MDGA2: variants seen among roughly 807,000 people sequenced by gnomAD.
MDGA2 encodes the protein MAM domain containing glycosylphosphatidylinositol anchor 2, also known as MAM domain-containing glycosylphosphatidylinositol anchor protein 2.
In MDGA2, 40 loss-of-function variants were observed where a neutral mutation model predicts 117.8. The ratio of observed to expected loss-of-function variants is 0.34; its 90% confidence interval spans 0.26 to 0.44. MDGA2 has a LOEUF of 0.44. Ranked by LOEUF, MDGA2 falls within the 20% of genes least tolerant of loss-of-function variation. The pLI is 1.00. For missense variants in MDGA2, 1,123 were observed against 1,250.6 expected (o/e 0.90, Z 1.54); for synonymous variants, 452 against 439.0 (o/e 1.03, Z -0.37).
intron 1 of MDGA2, among the ~76,000 whole-genome samples, chr14:47,434,424 G>A (rs1286164568): frequency 2.0e-5 from 3 of 151,994 alleles, no homozygotes; most frequent in Non-Finnish European, 2.9e-5. Flanking sequence ...GTGAAACTTT[G>A]TCTTTTGAGT....
intron 4 of MDGA2, among the ~76,000 whole-genome samples, chr14:47,139,579 G>A (rs549324439): frequency 6.6e-6 from 1 of 151,110 alleles, no homozygotes. Flanking sequence ...AGCCACAAAG[G>A]TCAATGACTA....
chr14:47,674,468 A>G (rs1442864998), intron 1 of MDGA2, 49 bp downstream of exon 1: 2 of 1,496,838 alleles, frequency 1.3e-6, no homozygotes, highest in East Asian at 5.0e-5. Flanking sequence ...TCACCAGCCT[A>G]TCTTGCCTAA....
chr14:47,442,264 G>A (rs1284836796), intron 1 of MDGA2, among the ~76,000 whole-genome samples: 1 of 152,116 alleles, frequency 6.6e-6, no homozygotes, highest in Non-Finnish European at 1.5e-5. Flanking sequence ...TTTAGTGTCA[G>A]GTAGTGTTCC....
intron 1 of MDGA2, among the ~76,000 whole-genome samples, chr14:47,570,918 A>C (rs1896007184): frequency 6.6e-6 from 1 of 152,238 alleles, no homozygotes; most frequent in Non-Finnish European, 1.5e-5. Flanking sequence ...ACCTGATTAA[A>C]CTACAGAGCT....
intron 1 of MDGA2, among the ~76,000 whole-genome samples, chr14:47,572,650 C>T (rs1156466600): frequency 6.6e-6 from 1 of 152,116 alleles, no homozygotes; most frequent in East Asian, 1.9e-4. Flanking sequence ...TCTCTAGGTC[C>T]TCTGGGAGGA....
intron 1 of MDGA2, among the ~76,000 whole-genome samples, chr14:47,392,614 T>G (rs1468905092): frequency 6.6e-6 from 1 of 152,072 alleles, no homozygotes; most frequent in Non-Finnish European, 1.5e-5. Context: ...ACATATCCTG[T>G]GATGTTTCTG....
chr14:47,033,498 A>T (rs906040713), intron 8 of MDGA2, among the ~76,000 whole-genome samples: 4 of 152,214 alleles, frequency 2.6e-5, no homozygotes, highest in African/African-American at 9.6e-5. Context: ...ACTTAAGGGT[A>T]TCTCATTTTT....
intron 8 of MDGA2, among the ~76,000 whole-genome samples, chr14:47,019,669 G>C (rs932549342): frequency 6.6e-6 from 1 of 151,702 alleles, no homozygotes; most frequent in Non-Finnish European, 1.5e-5. Context: ...CGGTGAAACC[G>C]CGTCTCCACT....
chr14:47,496,162 G>C (rs1894277282), intron 1 of MDGA2, among the ~76,000 whole-genome samples: 2 of 152,204 alleles, frequency 1.3e-5, no homozygotes, highest in Admixed American at 1.3e-4. Flanking sequence ...ATGAATGAAT[G>C]AGTTAATGCT....
intron 2 of MDGA2, among the ~76,000 whole-genome samples, chr14:47,227,906 T>C (rs886713926): frequency 6.6e-6 from 1 of 152,188 alleles, no homozygotes; most frequent in Non-Finnish European, 1.5e-5. Flanking sequence ...TATGTAATGA[T>C]GGCTCCTAAA....
intron 10 of MDGA2, among the ~76,000 whole-genome samples, chr14:46,910,994 A>C (rs1883678053): frequency 6.6e-6 from 1 of 152,086 alleles, no homozygotes; most frequent in African/African-American, 2.4e-5. Context: ...GGCCTATTGA[A>C]GGGGTGGAGG....
chr14:47,015,380 A>G (rs1888047055), intron 8 of MDGA2, among the ~76,000 whole-genome samples: 1 of 152,054 alleles, frequency 6.6e-6, no homozygotes, highest in African/African-American at 2.4e-5. Flanking sequence ...TTTATAAAAA[A>G]CACAGTATGT....
intron 1 of MDGA2, among the ~76,000 whole-genome samples, chr14:47,601,750 A>G (rs1225960566): frequency 6.6e-6 from 1 of 152,194 alleles, no homozygotes. Context: ...TCAAAGGGTC[A>G]TGTTTTAGCT....
chr14:46,953,287 AT>A (rs1885435038), intron 9 of MDGA2, among the ~76,000 whole-genome samples: 1 of 151,262 alleles, frequency 6.6e-6, no homozygotes, highest in South Asian at 2.1e-4. Context: ...GCAATAAAAA[AT>A]CTATTATATA....
intron 8 of MDGA2, among the ~76,000 whole-genome samples, chr14:46,995,644 A>C (rs567081897): frequency 6.6e-6 from 1 of 152,068 alleles, no homozygotes; most frequent in South Asian, 2.1e-4. Flanking sequence ...TCATTTGATA[A>C]TATTTATATC....
At chr14:47,285,753 A>C (rs746316956) in intron 2 of MDGA2, among the ~76,000 whole-genome samples, 1 of 152,152 alleles carries the variant, frequency 6.6e-6, no homozygotes, top group Admixed American at 6.5e-5. Flanking sequence ...TACCTCACGG[A>C]CATAAGTAAA....
At chr14:46,996,888 T>C (rs1165693728) in intron 8 of MDGA2, 3 of 333,152 alleles carry the variant, frequency 9.0e-6, no homozygotes, top group Non-Finnish European at 1.7e-5. Flanking sequence ...ATGCATATGA[T>C]ACTGAGCAAA....
At position 46,911,622 on chromosome 14, in the gene MDGA2, T is replaced by C. The variant is rs183089826; in HGVS notation, c.2238+8390A>G. Among the ~76,000 whole-genome samples the C allele has an allele frequency of 2.0e-5, 3 of 152,270 alleles. No homozygotes were observed. In the East Asian group the frequency reaches 5.8e-4, roughly 29 times the overall value. On this transcript the variant is annotated intron_variant, in intron 10 of 16. Coordinates refer to ENST00000399232, the MANE Select transcript of MDGA2 (RefSeq NM_001113498.3). The stretch of plus-strand genomic sequence containing the variant: ...AATTATAAGAAGCAATTGAGAATGA[T>C]GATTGATTCAAAATCAACTGCAAGT...
intron 9 of MDGA2, among the ~76,000 whole-genome samples, chr14:46,951,444 G>T (rs2138612560): frequency 6.6e-6 from 1 of 152,026 alleles, no homozygotes; most frequent in Non-Finnish European, 1.5e-5. Flanking sequence ...CCTAAAAAAT[G>T]TTACAGAATG....
Sources: gnomAD v4.1 joint callset for allele counts (sites outside exome capture counted in the v4.1 genomes callset) on GRCh38, gnomAD v4.1.1 for gene constraint, MANE v1.5 for transcripts, NCBI Gene and HGNC (gene_info 2026-07-23, HGNC 2026-07-21) for gene names.